Variants in XKR4 observed in about 807,000 individuals in gnomAD.
XKR4 encodes the protein XK related 4, also known as XK-related protein 4.
In XKR4, 12 loss-of-function variants were observed where a neutral mutation model predicts 53.9. The ratio of observed to expected loss-of-function variants is 0.22; its 90% CI spans 0.14 to 0.36. XKR4 has a LOEUF of 0.36. Among genes scored for constraint, XKR4 ranks in the 10% least tolerant of loss-of-function variants. The pLI is 1.00. For synonymous variants in XKR4, 354 were observed against 362.4 expected (o/e 0.98, Z 0.26); for missense variants, 799 against 859.5 (o/e 0.93, Z 0.88).
chr8:55,396,889 T>C (rs1272958199), intron 2 of XKR4, among the ~76,000 whole-genome samples: 1 of 152,232 alleles, frequency 6.6e-6, no homozygotes, highest in Non-Finnish European at 1.5e-5. Context: ...CAGTATAAAA[T>C]AAAGCATGAA....
rs149653424 is a variant in XKR4, at chr8:55,172,334, G to A, written c.806+69040G>A. Among the ~76,000 whole-genome samples, 23 of 152,098 alleles carry A rather than the reference G, an allele frequency of 1.5e-4. 1 individual carries two copies. The East Asian group carries it at 3.7e-3, about 24-fold the overall frequency. ...GGAGATCATCATGCTTTATTTTTAA[G>A]TAGGTAATATATCTCATGGTACAAA... On this transcript the variant is annotated intron_variant, in intron 1 of 2. Coordinates refer to ENST00000327381, the MANE Select transcript of XKR4 (RefSeq NM_052898.2).
intron 1 of XKR4, among the ~76,000 whole-genome samples, chr8:55,256,911 G>T (rs909781396): frequency 6.6e-6 from 1 of 152,142 alleles, no homozygotes; most frequent in East Asian, 1.9e-4. Context: ...TCTGGAGGCT[G>T]GGAAGTTCAA....
intron 2 of XKR4, among the ~76,000 whole-genome samples, chr8:55,482,437 C>T (rs1190820252): frequency 6.6e-6 from 1 of 151,976 alleles, no homozygotes; most frequent in Non-Finnish European, 1.5e-5. Context: ...AGGAGATATA[C>T]CTAATGCTAA....
At chr8:55,510,716 A>T (rs1305379553) in intron 2 of XKR4, among the ~76,000 whole-genome samples, 1 of 152,202 alleles carries the variant, frequency 6.6e-6, no homozygotes, top group East Asian at 1.9e-4. Flanking sequence ...GGTGATCTTC[A>T]TCATATTATT....
intron 1 of XKR4, among the ~76,000 whole-genome samples, chr8:55,137,122 C>T (rs1585898005): frequency 6.6e-6 from 1 of 152,080 alleles, no homozygotes; most frequent in Non-Finnish European, 1.5e-5. Flanking sequence ...CTAGTAATCT[C>T]CTAGACTCCC....
chr8:55,515,889 A>G (rs530137909), intron 2 of XKR4, among the ~76,000 whole-genome samples: 2 of 152,238 alleles, frequency 1.3e-5, no homozygotes, highest in East Asian at 3.9e-4. Context: ...GAACTGTGGG[A>G]GATTTGAGAT....
intron 2 of XKR4, among the ~76,000 whole-genome samples, chr8:55,493,840 T>C (rs1279960497): frequency 6.6e-6 from 1 of 152,258 alleles, no homozygotes; most frequent in Admixed American, 6.5e-5. Context: ...ACAATGATTG[T>C]ATTGATTTCC....
chr8:55,364,611 TTTGTTTTG>T (rs1226886077), intron 2 of XKR4, among the ~76,000 whole-genome samples: 5 of 150,828 alleles, frequency 3.3e-5, no homozygotes, highest in Admixed American at 3.3e-4. Flanking sequence ...GGGTTTTTGT[TTTGTTTTG>T]TTTTGTTTTG....
rs958787896 is a variant in XKR4, at chr8:55,229,469, G to A, written c.806+126175G>A. On this transcript the variant is annotated intron_variant, in intron 1 of 2. Transcript: ENST00000327381. ...GCAGCACTGGACTATTCCGTGCAGGGCTCAGGGCCTGGAACACAGGAAGTG... is the reference window on the plus strand; with the variant it reads ...GCAGCACTGGACTATTCCGTGCAGGACTCAGGGCCTGGAACACAGGAAGTG... Among the ~76,000 whole-genome samples the A allele has an allele frequency of 3.9e-5, 6 of 152,260 alleles. No homozygotes were observed. The East Asian group carries it at 7.7e-4, about 20-fold the overall frequency.
intron 1 of XKR4, among the ~76,000 whole-genome samples, chr8:55,178,957 G>A (rs1003089684): frequency 2.0e-5 from 3 of 152,208 alleles, no homozygotes; most frequent in Non-Finnish European, 4.4e-5. Context: ...CTTGTTGGTG[G>A]GGTATGGCAT....
chr8:55,383,140 G>A (rs183629018), intron 2 of XKR4, among the ~76,000 whole-genome samples: 129 of 152,314 alleles, frequency 8.5e-4, no homozygotes, highest in African/African-American at 2.9e-3. Flanking sequence ...TTGAACCTGG[G>A]AGGCAGAAGT....
intron 2 of XKR4, among the ~76,000 whole-genome samples, chr8:55,384,258 T>C (rs1804277391): frequency 6.6e-6 from 1 of 152,232 alleles, no homozygotes; most frequent in Non-Finnish European, 1.5e-5. Context: ...GGGTCTTCCT[T>C]CAGGCAGGAA....
At chr8:55,198,023 A>T (rs1049774746) in intron 1 of XKR4, among the ~76,000 whole-genome samples, 3 of 152,228 alleles carry the variant, frequency 2.0e-5, no homozygotes, top group African/African-American at 7.2e-5. Context: ...AAATGTTTTA[A>T]TGAAAATCAA....
chr8:55,502,896 G>A (rs1806465613), intron 2 of XKR4, among the ~76,000 whole-genome samples: 1 of 152,054 alleles, frequency 6.6e-6, no homozygotes, highest in South Asian at 2.1e-4. Flanking sequence ...TTTTGCATGT[G>A]GTGTAAGGTA....
intron 2 of XKR4, among the ~76,000 whole-genome samples, chr8:55,412,510 AT>A (rs1235457454): frequency 6.6e-6 from 1 of 152,074 alleles, no homozygotes; most frequent in East Asian, 1.9e-4. Context: ...TATTCCCAAC[AT>A]TTGCACCCGG....
At chr8:55,155,349 C>T (rs1160589362) in intron 1 of XKR4, among the ~76,000 whole-genome samples, 8 of 152,074 alleles carry the variant, frequency 5.3e-5, no homozygotes, top group Admixed American at 5.2e-4. Flanking sequence ...GAAGGTAGAA[C>T]ATCCTCGATG....
chr8:55,239,744 T>A (rs1195233059), intron 1 of XKR4, among the ~76,000 whole-genome samples: 2 of 152,216 alleles, frequency 1.3e-5, no homozygotes, highest in Admixed American at 1.3e-4. Context: ...TATATTATAA[T>A]CATCTCTTGA....
intron 1 of XKR4, among the ~76,000 whole-genome samples, chr8:55,289,884 G>GAAAGAA (rs1554516217): frequency 5.8e-5 from 2 of 34,612 alleles, no homozygotes; most frequent in African/African-American, 1.0e-4. Context: ...AAGAAAGAAA[G>GAAAGAA]AAAGAAAGAA....
intron 2 of XKR4, among the ~76,000 whole-genome samples, chr8:55,406,924 T>C (rs1463263210): frequency 6.6e-6 from 1 of 152,220 alleles, no homozygotes; most frequent in East Asian, 1.9e-4. Flanking sequence ...ACATATTCAA[T>C]AAGTACATTG....
Sources: gnomAD v4.1 joint callset for allele counts (sites outside exome capture counted in the v4.1 genomes callset) on GRCh38, gnomAD v4.1.1 for gene constraint, MANE v1.5 for transcripts, NCBI Gene and HGNC (gene_info 2026-07-23, HGNC 2026-07-21) for gene names.